Variants in TPM1 observed in about 807,000 individuals in gnomAD.
TPM1 encodes tropomyosin 1.
Under a neutral mutation model 42.9 loss-of-function variants are expected in TPM1, and 24 were observed. That is an observed-to-expected ratio of 0.56 (90% confidence interval 0.41 to 0.79). The LOEUF (loss-of-function observed/expected upper bound fraction) is 0.79. Ranked by LOEUF, TPM1 falls within the 30% of genes least tolerant of loss-of-function variation. TPM1 has a pLI of 0.00. For synonymous variants in TPM1, 136 were observed against 130.1 expected (o/e 1.05, Z -0.31); for missense variants, 158 against 351.8 (o/e 0.45, Z 4.41).
chr15:63,056,617 A>T, intron 2 of TPM1: 1 of 310,984 alleles, frequency 3.2e-6, no homozygotes, highest in South Asian at 2.9e-5. Context: ...CAGTGAGCTG[A>T]GATCGTGCCA....
chr15:63,055,666 A>T (rs185676895), intron 2 of TPM1: 1 of 152,310 alleles, frequency 6.6e-6, no homozygotes, highest in East Asian at 1.9e-4. Context: ...ATGGGTCCCT[A>T]AGTGTGTATT....
intron 4 of TPM1, 127 bp downstream of exon 4, chr15:63,059,807 G>T: frequency 1.5e-6 from 1 of 674,240 alleles, no homozygotes; most frequent in South Asian, 1.4e-5. Context: ...GTGGTTTTGA[G>T]AAGCAGAGTT....
At chr15:63,043,347 C>T in intron 1 of TPM1, 3 of 557,656 alleles carry the variant, frequency 5.4e-6, no homozygotes, top group South Asian at 4.6e-5. Flanking sequence ...GAGAAAGGAA[C>T]CTTAAACTTG....
At chr15:63,063,281 C>G (rs1386578203) in intron 8 of TPM1, 2 of 985,214 alleles carry the variant, frequency 2.0e-6, no homozygotes, top group Non-Finnish European at 2.4e-6. Context: ...ATCTACATCA[C>G]AGAAGGGATT....
intron 9 of TPM1, chr15:63,064,767 C>T: frequency 1.4e-6 from 1 of 711,634 alleles, no homozygotes; most frequent in Non-Finnish European, 1.7e-6. Context: ...AGATTGAGAC[C>T]ATCCTGGCTA....
chr15:63,047,080 C>T (rs528311849), intron 2 of TPM1: 17 of 152,416 alleles, frequency 1.1e-4, no homozygotes, highest in African/African-American at 3.4e-4. Context: ...CCGGTTCCCC[C>T]ATTCTCAATG....
downstream of TPM1, among the ~76,000 whole-genome samples, chr15:63,069,056 G>A (rs538060098): frequency 4.6e-5 from 7 of 152,220 alleles, no homozygotes; most frequent in African/African-American, 1.4e-4. Context: ...GGGAGGCTGA[G>A]GCAGGAGATT....
At chr15:63,052,133 C>CATTA (rs5813190) in intron 2 of TPM1, among the ~76,000 whole-genome samples, 120,478 of 151,646 alleles carry the variant, frequency 0.79, 48,105 homozygotes, top group East Asian at 1. Context: ...TTGAGTAGTT[C>CATTA]ATTGTTAGAA....
At position 63,060,859 on chromosome 15, in the gene TPM1, C is replaced by T. The variant is rs1051722554; in HGVS notation, c.493-10C>T. 1 of 1,614,178 alleles carries T rather than the reference C, an allele frequency of 6.2e-7. No homozygotes were observed. The highest frequency in any genetic ancestry group is 1.3e-5 in the African/African-American group (1 of 75,042). On this transcript the variant is annotated splice_polypyrimidine_tract_variant and intron_variant, in intron 4 of 9. Coordinates refer to ENST00000403994, the MANE Select transcript of TPM1 (RefSeq NM_001018005.2). The stretch of plus-strand genomic sequence containing the variant: ...ACCCATGGTGTGTGTGTTGTGTCTT[C>T]CTGCTGCAGGTGGCCCGTAAGCTGG...
chr15:63,071,105 C>G, downstream of TPM1: 2 of 1,614,054 alleles, frequency 1.2e-6, no homozygotes, highest in Non-Finnish European at 1.7e-6. Context: ...GTGGCTCATG[C>G]CAAAGAAGAA....
intron 2 of TPM1, among the ~76,000 whole-genome samples, chr15:63,050,348 G>A (rs1030998781): frequency 1.3e-5 from 2 of 152,358 alleles, no homozygotes; most frequent in South Asian, 2.1e-4. Flanking sequence ...TGGTAGGCAT[G>A]TTTGATGGGT....
intron 2 of TPM1, chr15:63,046,068 A>G (rs887009143): frequency 6.6e-6 from 1 of 152,252 alleles, no homozygotes; most frequent in African/African-American, 2.4e-5. Flanking sequence ...TCATTGTGCA[A>G]ACACCATAGA....
downstream of TPM1, among the ~76,000 whole-genome samples, chr15:63,066,583 T>C (rs2036288567): frequency 6.6e-6 from 1 of 152,332 alleles, no homozygotes; most frequent in African/African-American, 2.4e-5. Flanking sequence ...CCCATATTAC[T>C]AGGAAGTTAT....
chr15:63,048,337 C>T lies in TPM1; in HGVS notation c.240+4185C>T, dbSNP rs1250207828. 5.4e-6 allele frequency: 6 copies of T among 1,112,324 alleles called. No homozygotes were observed. In the Admixed American group the frequency reaches 1.1e-4, roughly 20 times the overall value. 68.9% of individuals were successfully genotyped at this position (1,112,324 alleles called of 1,614,324 possible). A position where few individuals can be genotyped will look rare whatever the true frequency, so the allele number is the denominator to read the frequency against. On this transcript the variant is annotated intron_variant, in intron 2 of 9. Transcript: ENST00000403994. ...CATGCGCAGTGCCCCCAGCCAGTCC[C>T]GGGATCCACGGCGCGCGCCCCTCCC...
At chr15:63,071,239 C>A in exon 9 of TPM1, 2 of 1,494,118 alleles carry the variant, frequency 1.3e-6, no homozygotes, top group Non-Finnish European at 9.3e-7. Context: ...CCTGCTTACC[C>A]CTTAAATGCA....
In TPM1 at chr15:63,062,261, C is replaced by A; in HGVS notation, c.686C>A (p.Ser229Tyr). 1.2e-6 allele frequency: 2 copies of A among 1,614,080 alleles called. No individual in the cohort carries two copies. Among genetic ancestry groups the A allele is most frequent in the Non-Finnish European group, 1.7e-6 (2 of 1,180,004 alleles). ...TATGAGGAAGAGATCAAGGTCCTTTCCGACAAGCTGAAGGAGGTAATATGA... is the reference window on the plus strand; with the variant it reads ...TATGAGGAAGAGATCAAGGTCCTTTACGACAAGCTGAAGGAGGTAATATGA... ...DRYEEEIKVL[S>Y]DKLKEAETRA... The change falls in exon 7 of 10, where the codon TCC becomes TAC. Residue 229 changes from serine to tyrosine, a missense_variant. Ser to Tyr is a moderately radical substitution (Grantham distance 144, BLOSUM62 -2). Coordinates refer to ENST00000403994, the MANE Select transcript of TPM1 (RefSeq NM_001018005.2).
At chr15:63,071,779 A>G (rs1477841749) in exon 9 of TPM1, 1 of 156,666 alleles carries the variant, frequency 6.4e-6, no homozygotes, top group Non-Finnish European at 1.4e-5. Context: ...GTGGATTTCC[A>G]CTCTTTTCAG....
chr15:63,062,320 A>G, intron 7 of TPM1, 43 bp downstream of exon 7: 2 of 1,589,674 alleles, frequency 1.3e-6, no homozygotes, highest in South Asian at 1.1e-5. Flanking sequence ...ATTTTAAATG[A>G]GTTTGTTTTC....
intron 2 of TPM1, chr15:63,048,404 A>T: frequency 7.4e-7 from 1 of 1,356,604 alleles, no homozygotes; most frequent in Non-Finnish European, 9.4e-7. Context: ...GCAGCCCTGG[A>T]GGCTGCGACT....
Sources: gnomAD v4.1 joint callset for allele counts (sites outside exome capture counted in the v4.1 genomes callset) on GRCh38, gnomAD v4.1.1 for gene constraint, MANE v1.5 for transcripts, NCBI Gene and HGNC (gene_info 2026-07-23, HGNC 2026-07-21) for gene names.